The following RBFOX1 variants were observed in gnomAD, a reference collection of about 807,000 sequenced individuals.
RBFOX1 encodes RNA binding protein fox-1 homolog 1.
RBFOX1 carries 8 observed loss-of-function variants against 57.7 expected under a neutral mutation model. The ratio of observed to expected loss-of-function variants is 0.14; its 90% CI spans 0.08 to 0.25. The LOEUF is 0.25. RBFOX1 is among the 10% of genes least tolerant of loss of function. The pLI is 1.00. For missense variants in RBFOX1, 611 were observed against 548.5 expected, an observed-to-expected ratio of 1.11 and a Z score of -1.14; for synonymous variants, 326 against 222.4, an observed-to-expected ratio of 1.47 and a Z score of -4.15.
At chr16:7,231,370 C>G (rs539242509) in intron 4 of RBFOX1, among the ~76,000 whole-genome samples, 9 of 152,156 alleles carry the variant, frequency 5.9e-5, no homozygotes, top group Non-Finnish European at 1.2e-4. Context: ...ATTAGAGAAT[C>G]AGCAGGGTTC....
intron 4 of RBFOX1, among the ~76,000 whole-genome samples, chr16:7,086,994 C>T (rs994153374): frequency 3.3e-5 from 5 of 152,148 alleles, no homozygotes; most frequent in Non-Finnish European, 7.4e-5. Context: ...GCGGCAGCTG[C>T]AGCGATGGGC....
At chr16:7,611,858 C>G (rs975735080) in intron 10 of RBFOX1, among the ~76,000 whole-genome samples, 1 of 152,100 alleles carries the variant, frequency 6.6e-6, no homozygotes, top group Non-Finnish European at 1.5e-5. Flanking sequence ...TTTCTAAATG[C>G]TTATTCCGTG....
chr16:6,394,809 C>T (rs1030629854), intron 2 of RBFOX1, among the ~76,000 whole-genome samples: 6 of 152,206 alleles, frequency 3.9e-5, no homozygotes, highest in African/African-American at 1.4e-4. Flanking sequence ...CTTAATGACC[C>T]CTAAGTCCTT....
At chr16:6,238,614 G>A (rs1158530530) in intron 1 of RBFOX1, among the ~76,000 whole-genome samples, 1 of 152,194 alleles carries the variant, frequency 6.6e-6, no homozygotes, top group Non-Finnish European at 1.5e-5. Flanking sequence ...AGTTGGGAAT[G>A]CATTAAAAAC....
rs543750134 is a variant in RBFOX1, at chr16:5,881,593, G to A, written c.351+14258G>A. On this transcript the variant is annotated intron_variant, in intron 4 of 19. Coordinates refer to the RBFOX1 transcript ENST00000641259. The stretch of plus-strand genomic sequence containing the variant: ...TACTTGGGAGGCTGAGGTGGGAGGA[G>A]CATTTGAACCTGGGAGGCGGAGGTT... Among the ~76,000 whole-genome samples, 3 of 152,222 alleles carry A rather than the reference G, an allele frequency of 2.0e-5. No individual in the cohort carries two copies. The East Asian group carries it at 5.8e-4, about 29-fold the overall frequency.
At chr16:6,621,165 T>G (rs1034891216) in intron 2 of RBFOX1, among the ~76,000 whole-genome samples, 2 of 152,190 alleles carry the variant, frequency 1.3e-5, no homozygotes, top group Non-Finnish European at 2.9e-5. Flanking sequence ...CTTTCTCTTA[T>G]AAAAACACTA....
chr16:5,541,065 A>G (rs1205727990), intron 2 of RBFOX1, among the ~76,000 whole-genome samples: 1 of 152,026 alleles, frequency 6.6e-6, no homozygotes, highest in East Asian at 1.9e-4. Context: ...GGCCGGGCTG[A>G]TCTCGAACCC....
chr16:6,500,197 A>G (rs1181918064), intron 2 of RBFOX1, among the ~76,000 whole-genome samples: 1 of 152,192 alleles, frequency 6.6e-6, no homozygotes, highest in African/African-American at 2.4e-5. Flanking sequence ...TCATGCTACA[A>G]TTAAAAGAAT....
intron 3 of RBFOX1, among the ~76,000 whole-genome samples, chr16:7,032,206 C>G (rs1232057365): frequency 6.6e-6 from 1 of 152,068 alleles, no homozygotes; most frequent in African/African-American, 2.4e-5. Flanking sequence ...GGGCGGATCG[C>G]TTGAGGTCAG....
At chr16:6,096,972 C>A (rs1350631062) in intron 1 of RBFOX1, among the ~76,000 whole-genome samples, 1 of 152,082 alleles carries the variant, frequency 6.6e-6, no homozygotes. Flanking sequence ...TGTGTCCCAC[C>A]CAAATCTTAT....
intron 4 of RBFOX1, among the ~76,000 whole-genome samples, chr16:6,005,953 A>G (rs1351023955): frequency 6.6e-6 from 1 of 152,202 alleles, no homozygotes; most frequent in African/African-American, 2.4e-5. Context: ...TGTGGGTGAA[A>G]TCAGACTGTA....
chr16:5,457,157 G>A (rs2068655087), intron 1 of RBFOX1, among the ~76,000 whole-genome samples: 1 of 152,008 alleles, frequency 6.6e-6, no homozygotes, highest in Non-Finnish European at 1.5e-5. Context: ...TATTTTTTGA[G>A]ACAGAGTCTT....
In RBFOX1 at chr16:6,630,753, C is replaced by G. The variant is rs566872510; in HGVS notation, c.-63-23850C>G. On this transcript the variant is annotated intron_variant, in intron 2 of 15. Transcript: ENST00000550418. ...TAAGCTGGAATTTATGATGAAAATACCATGAGAAGGAGGTTGAAATTGTAG... is the reference window on the plus strand; with the variant it reads ...TAAGCTGGAATTTATGATGAAAATAGCATGAGAAGGAGGTTGAAATTGTAG... 1.3e-4 allele frequency among the ~76,000 whole-genome samples: 20 copies of G among 152,142 alleles called. No individual in the cohort carries two copies. The East Asian group carries it at 1.4e-3, about 10-fold the overall frequency.
chr16:5,724,030 T>C (rs2052037647), intron 3 of RBFOX1, among the ~76,000 whole-genome samples: 1 of 152,150 alleles, frequency 6.6e-6, no homozygotes, highest in Non-Finnish European at 1.5e-5. Context: ...GCAAACCATT[T>C]GTGTGTCCGT....
chr16:5,643,803 T>G (rs921264068), intron 3 of RBFOX1, among the ~76,000 whole-genome samples: 1 of 152,136 alleles, frequency 6.6e-6, no homozygotes. Context: ...TGTCCCCTAA[T>G]CACAAGCTAA....
At chr16:7,210,373 T>G (rs903348100) in intron 4 of RBFOX1, among the ~76,000 whole-genome samples, 1 of 152,180 alleles carries the variant, frequency 6.6e-6, no homozygotes, top group African/African-American at 2.4e-5. Context: ...AAGGATCACA[T>G]GGACCACGGT....
At chr16:7,628,777 T>C (rs1452370748) in intron 10 of RBFOX1, among the ~76,000 whole-genome samples, 1 of 152,068 alleles carries the variant, frequency 6.6e-6, no homozygotes. Context: ...CACACCCAGC[T>C]AATTTTTGTG....
chr16:5,370,987 C>T (rs1034373626), intron 1 of RBFOX1, among the ~76,000 whole-genome samples: 5 of 152,204 alleles, frequency 3.3e-5, no homozygotes, highest in Non-Finnish European at 2.9e-5. Context: ...GTTGCTCTTT[C>T]GCCAGGCTGG....
At chr16:7,334,832 G>C (rs1036961864) in intron 4 of RBFOX1, among the ~76,000 whole-genome samples, 1 of 152,140 alleles carries the variant, frequency 6.6e-6, no homozygotes, top group African/African-American at 2.4e-5. Context: ...GTTATTTTTG[G>C]AAAGAACAAG....
Sources: allele counts gnomAD v4.1 joint callset (sites outside exome capture counted in the v4.1 genomes callset), GRCh38; gene constraint gnomAD v4.1.1; transcripts MANE v1.5; gene names NCBI Gene and HGNC (gene_info 2026-07-23, HGNC 2026-07-21).